The following NRXN3 variants were observed in gnomAD, a reference collection of about 807,000 sequenced individuals.
NRXN3 encodes the protein neurexin III.
A neutral mutation model predicts 137.6 loss-of-function variants in NRXN3; 32 were observed. The ratio of observed to expected loss-of-function variants is 0.23; its 90% confidence interval spans 0.18 to 0.31. The LOEUF is 0.31. Ranked by LOEUF, NRXN3 falls within the 10% of genes least tolerant of loss-of-function variation. NRXN3 has a pLI of 1.00. For synonymous variants in NRXN3, 798 were observed against 784.5 expected (o/e 1.02, Z -0.29); for missense variants, 1,574 against 2,062.5 (o/e 0.76, Z 4.59).
intron 19 of NRXN3, among the ~76,000 whole-genome samples, chr14:79,769,657 C>T (rs904162776): frequency 1.7e-4 from 26 of 151,960 alleles, no homozygotes; most frequent in African/African-American, 5.1e-4. Context: ...CGATACCAGC[C>T]GCTGCAAAAT....
At chr14:79,622,658 G>A (rs747294759) in intron 16 of NRXN3, among the ~76,000 whole-genome samples, 1 of 152,106 alleles carries the variant, frequency 6.6e-6, no homozygotes, top group Non-Finnish European at 1.5e-5. Context: ...GTGTAATGGC[G>A]CAATCTCGGC....
chr14:79,679,242 AC>A (rs2098656998), intron 17 of NRXN3, among the ~76,000 whole-genome samples: 1 of 152,088 alleles, frequency 6.6e-6, no homozygotes, highest in South Asian at 2.1e-4. Flanking sequence ...ATCTCTCTAT[AC>A]ACACACACCC....
chr14:79,781,485 A>G (rs1381410104), intron 19 of NRXN3, among the ~76,000 whole-genome samples: 2 of 152,262 alleles, frequency 1.3e-5, no homozygotes, highest in Middle Eastern at 3.2e-3. Context: ...CTCATGCTTC[A>G]TGAAAGTATA....
intron 10 of NRXN3, among the ~76,000 whole-genome samples, chr14:78,950,213 A>C (rs2099384432): frequency 6.6e-6 from 1 of 152,202 alleles, no homozygotes; most frequent in South Asian, 2.1e-4. Context: ...AATTGCCCTT[A>C]TCTCTTGAAA....
intron 1 of NRXN3, among the ~76,000 whole-genome samples, chr14:78,201,109 T>A (rs928378886): frequency 6.6e-6 from 1 of 152,188 alleles, no homozygotes; most frequent in African/African-American, 2.4e-5. Flanking sequence ...GACACTGCCA[T>A]ATTTTCAACA....
Position 78,494,031 on chromosome 14 carries a change from C to T in NRXN3, c.758-151089C>T, listed in dbSNP as rs1454199229. ...TCCCTTGCTTTTCTGGGAGATGGAT[C>T]TCAGTGTTTTTGTCCCTTGGTCCTA... On this transcript the variant is annotated intron_variant, in intron 4 of 20. Coordinates refer to ENST00000335750, the MANE Select transcript of NRXN3 (RefSeq NM_001330195.2). 2.0e-5 allele frequency among the ~76,000 whole-genome samples: 3 copies of T among 152,144 alleles called. No homozygotes were observed. The East Asian group carries it at 5.8e-4, about 29-fold the overall frequency.
intron 15 of NRXN3, among the ~76,000 whole-genome samples, chr14:79,085,391 G>C (rs192857574): frequency 3.3e-5 from 5 of 152,014 alleles, no homozygotes; most frequent in South Asian, 2.1e-4. Flanking sequence ...CACTATTAAA[G>C]CTATTTGAAT....
chr14:78,321,327 A>G (rs1172160858), intron 4 of NRXN3, among the ~76,000 whole-genome samples: 1 of 152,076 alleles, frequency 6.6e-6, no homozygotes, highest in South Asian at 2.1e-4. Flanking sequence ...GGGAGAAGTA[A>G]ATGGGTCAGG....
rs1028478534 is a variant in NRXN3 at position 78,886,551 on chromosome 14, A to G, written c.2276-70691A>G. 2.0e-5 allele frequency among the ~76,000 whole-genome samples: 3 copies of G among 151,842 alleles called. No homozygotes were observed. In the East Asian group the frequency reaches 5.8e-4, roughly 29 times the overall value. ...CTTTAGAGTCTTTAATTTGAGCTAGATTCTATGATAAGTGATTGAAGAATC... is the reference window on the plus strand; with the variant it reads ...CTTTAGAGTCTTTAATTTGAGCTAGGTTCTATGATAAGTGATTGAAGAATC... On this transcript the variant is annotated intron_variant, in intron 10 of 20. Transcript: ENST00000335750.
intron 20 of NRXN3, among the ~76,000 whole-genome samples, chr14:79,843,822 G>A (rs1694161749): frequency 6.6e-6 from 1 of 152,092 alleles, no homozygotes; most frequent in African/African-American, 2.4e-5. Context: ...AAGTTCTGTA[G>A]TGGTGATTCT....
chr14:78,516,501 G>A (rs778275909), intron 4 of NRXN3, among the ~76,000 whole-genome samples: 2 of 151,254 alleles, frequency 1.3e-5, no homozygotes, highest in Non-Finnish European at 2.9e-5. Context: ...CAGGAAATCT[G>A]AGATGGCTTT....
intron 4 of NRXN3, among the ~76,000 whole-genome samples, chr14:78,301,093 G>A (rs1223772987): frequency 6.6e-6 from 1 of 152,068 alleles, no homozygotes; most frequent in African/African-American, 2.4e-5. Context: ...GTGGGGGAAG[G>A]ATGATAGATG....
intron 16 of NRXN3, among the ~76,000 whole-genome samples, chr14:79,567,587 C>T (rs1055960221): frequency 6.6e-6 from 1 of 152,092 alleles, no homozygotes; most frequent in Admixed American, 6.6e-5. Context: ...CAATATTTAA[C>T]TATTATTTGC....
intron 20 of NRXN3, among the ~76,000 whole-genome samples, chr14:79,842,425 C>T (rs1449904046): frequency 6.6e-6 from 1 of 152,006 alleles, no homozygotes; most frequent in Admixed American, 6.6e-5. Flanking sequence ...GAAGGGAAGC[C>T]AGAGAGTATG....
chr14:78,407,916 C>T (rs368175664), intron 4 of NRXN3, among the ~76,000 whole-genome samples: 1 of 152,148 alleles, frequency 6.6e-6, no homozygotes, highest in Non-Finnish European at 1.5e-5. Context: ...GAGAGGTCCT[C>T]CATAAATAGC....
chr14:79,049,096 T>TA (rs1271852535), intron 15 of NRXN3, among the ~76,000 whole-genome samples: 14,104 of 80,834 alleles, frequency 0.17, 3,976 homozygotes, highest in African/African-American at 0.31. Context: ...ATAATAATAA[T>TA]ATGATGGGGT....
Position 78,988,163 on chromosome 14 carries a change from A to G in NRXN3, c.3262+22A>G, listed in dbSNP as rs758575205. On this transcript the variant is annotated intron_variant, in intron 15 of 20. Coordinates refer to ENST00000335750, the MANE Select transcript of NRXN3 (RefSeq NM_001330195.2). ...GATCGTAAGTACAACAACCTTTCAT[A>G]CTGGAACTTTGTGAAGATGTTTGGA... 3.7e-6 allele frequency: 6 copies of G among 1,613,438 alleles called. No individual in the cohort carries two copies. The East Asian group carries it at 8.9e-5, about 24-fold the overall frequency.
rs191997559 is a variant in NRXN3 at position 79,578,422 on chromosome 14, G to T, written c.3445-85356G>T. ...ACACATGATTGCCCATATATATATA[G>T]CTAATCTCGGTCTCCAGCCCCTCAG... On this transcript the variant is annotated intron_variant, in intron 16 of 20. Transcript: ENST00000335750. Among the ~76,000 whole-genome samples the T allele has an allele frequency of 1.1e-3, 162 of 152,228 alleles. 1 individual carries two copies. Among genetic ancestry groups the T allele is most frequent in the African/African-American group, 3.7e-3 (152 of 41,546 alleles).
chr14:79,131,598 A>G (rs2057489745), intron 15 of NRXN3, among the ~76,000 whole-genome samples: 1 of 152,222 alleles, frequency 6.6e-6, no homozygotes, highest in Non-Finnish European at 1.5e-5. Context: ...AGACAGGGTC[A>G]TTTAAGTCTG....
Sources: gnomAD v4.1 joint callset for allele counts (sites outside exome capture counted in the v4.1 genomes callset) on GRCh38, gnomAD v4.1.1 for gene constraint, MANE v1.5 for transcripts, NCBI Gene and HGNC (gene_info 2026-07-23, HGNC 2026-07-21) for gene names.